The following WDPCP variants were observed in gnomAD, a reference collection of about 807,000 sequenced individuals.
WDPCP encodes the protein WD repeat containing planar cell polarity effector, also known as WD repeat-containing and planar cell polarity effector protein fritz homolog.
In WDPCP, 71 loss-of-function variants were observed where a neutral mutation model predicts 93.1. The observed-to-expected ratio is 0.76, with a 90% confidence interval of 0.63 to 0.93. WDPCP has a LOEUF of 0.93. Ranked by LOEUF, WDPCP falls within the 40% of genes least tolerant of loss-of-function variation. The pLI is 0.00. For missense variants in WDPCP, 844 were observed against 887.4 expected, an observed-to-expected ratio of 0.95 and a Z score of 0.62; for synonymous variants, 315 against 315.0, an observed-to-expected ratio of 1.00 and a Z score of 0.00.
intron 2 of WDPCP, among the ~76,000 whole-genome samples, chr2:63,728,652 A>T (rs929165594): frequency 1.3e-5 from 2 of 152,194 alleles, no homozygotes; most frequent in Non-Finnish European, 2.9e-5. Flanking sequence ...AGGTTAAGTG[A>T]TAACTTGCAG....
intron 1 of WDPCP, among the ~76,000 whole-genome samples, chr2:63,539,703 A>T (rs1704568942): frequency 6.6e-6 from 1 of 152,200 alleles, no homozygotes; most frequent in South Asian, 2.1e-4. Flanking sequence ...ATAATAAAAA[A>T]ATAAAACTCA....
intron 10 of WDPCP, among the ~76,000 whole-genome samples, chr2:63,384,739 C>A (rs904665798): frequency 1.3e-5 from 2 of 149,236 alleles, no homozygotes; most frequent in African/African-American, 2.5e-5. Flanking sequence ...AATAGTAATA[C>A]GTAAAAAAAA....
chr2:63,595,521 T>A (rs1709293538), intron 3 of WDPCP: 2 of 1,580,948 alleles, frequency 1.3e-6, no homozygotes, highest in Non-Finnish European at 8.7e-7. Flanking sequence ...TCCTGAAAGG[T>A]GGGTTGGGGA....
At chr2:63,676,452 T>C (rs138028337) in intron 2 of WDPCP, among the ~76,000 whole-genome samples, 2 of 152,164 alleles carry the variant, frequency 1.3e-5, no homozygotes, top group African/African-American at 4.8e-5. Context: ...CCAGCCCTTA[T>C]AGCAGTGGTT....
intron 1 of WDPCP, among the ~76,000 whole-genome samples, chr2:63,817,135 A>T (rs1670943509): frequency 6.7e-6 from 1 of 149,698 alleles, no homozygotes. Context: ...TTTGAGTCAG[A>T]GTCTCGCTCT....
At chr2:63,777,534 G>C (rs577964469) in intron 2 of WDPCP, among the ~76,000 whole-genome samples, 1 of 152,274 alleles carries the variant, frequency 6.6e-6, no homozygotes, top group African/African-American at 2.4e-5. Context: ...ATCTGCAGGT[G>C]AATGAATAAA....
chr2:63,640,254 C>A (rs1709966838), intron 3 of WDPCP, among the ~76,000 whole-genome samples: 1 of 152,038 alleles, frequency 6.6e-6, no homozygotes. Context: ...GTGATCCTCC[C>A]ACTTCGGCCT....
chr2:63,784,944 C>G (rs1356919744), intron 2 of WDPCP, among the ~76,000 whole-genome samples: 2 of 152,136 alleles, frequency 1.3e-5, no homozygotes, highest in African/African-American at 4.8e-5. Flanking sequence ...TGAAAATAAT[C>G]ATGCTACCTC....
chr2:63,304,314 TCCAGTCTGCAGCTC>T (rs1283335949), intron 13 of WDPCP, among the ~76,000 whole-genome samples: 1 of 152,062 alleles, frequency 6.6e-6, no homozygotes, highest in Admixed American at 6.5e-5. Flanking sequence ...TTGGAACAGC[TCCAGTCTGCAGCTC>T]CCAGTGAGAT....
chr2:63,406,009 G>A (rs374388939), intron 9 of WDPCP, among the ~76,000 whole-genome samples: 7 of 152,238 alleles, frequency 4.6e-5, no homozygotes, highest in South Asian at 2.1e-4. Flanking sequence ...TGTCACTGGG[G>A]AAACTGGGGG....
intron 2 of WDPCP, among the ~76,000 whole-genome samples, chr2:63,801,415 G>C (rs1307431956): frequency 6.6e-6 from 1 of 152,174 alleles, no homozygotes; most frequent in African/African-American, 2.4e-5. Flanking sequence ...AAAGGTGGTA[G>C]GGAGGCAAAG....
At chr2:63,798,356 A>C (rs1236946638) in intron 2 of WDPCP, among the ~76,000 whole-genome samples, 2 of 152,206 alleles carry the variant, frequency 1.3e-5, no homozygotes, top group Non-Finnish European at 2.9e-5. Flanking sequence ...AATAACTACA[A>C]CAACTTTTCA....
chr2:63,733,656 C>T (rs1002660408), intron 2 of WDPCP, among the ~76,000 whole-genome samples: 10 of 152,170 alleles, frequency 6.6e-5, no homozygotes, highest in African/African-American at 1.9e-4. Flanking sequence ...GGATTGCCAA[C>T]GACTGTCTTC....
intron 6 of WDPCP, among the ~76,000 whole-genome samples, chr2:63,476,610 T>C (rs1403137781): frequency 6.6e-6 from 1 of 152,188 alleles, no homozygotes; most frequent in East Asian, 1.9e-4. Context: ...GGTTATGCTG[T>C]GGACCCAGTC....
chr2:63,338,740 G>A (rs1053707835), intron 12 of WDPCP, among the ~76,000 whole-genome samples: 76 of 151,136 alleles, frequency 5.0e-4, no homozygotes, highest in African/African-American at 1.7e-3. Context: ...TGGTTTATGT[G>A]TCTGTTTTTA....
chr2:63,127,945 C>T (rs1670034386), intron 17 of WDPCP, among the ~76,000 whole-genome samples: 1 of 151,910 alleles, frequency 6.6e-6, no homozygotes, highest in African/African-American at 2.4e-5. Context: ...TCAAGACCAG[C>T]CTGGCCAACA....
chr2:63,774,852 C>T (rs141175369), intron 2 of WDPCP, among the ~76,000 whole-genome samples: 40 of 152,266 alleles, frequency 2.6e-4, no homozygotes, highest in South Asian at 8.3e-4. Context: ...TCCCATCTCC[C>T]TAACTTCTCT....
intron 1 of WDPCP, among the ~76,000 whole-genome samples, chr2:63,539,531 A>C (rs553839638): frequency 1.6e-4 from 24 of 152,286 alleles, no homozygotes; most frequent in African/African-American, 5.8e-4. Flanking sequence ...CCCTGTCTCA[A>C]AAATACAGAA....
intron 3 of WDPCP, chr2:63,605,267 G>GC (rs747088033): frequency 1.3e-6 from 2 of 1,569,110 alleles, no homozygotes; most frequent in South Asian, 2.2e-5. Context: ...GCCTTCACCT[G>GC]CCCCCTTCCC....
Sources: gnomAD v4.1 joint callset for allele counts (sites outside exome capture counted in the v4.1 genomes callset) on GRCh38, gnomAD v4.1.1 for gene constraint, MANE v1.5 for transcripts, NCBI Gene and HGNC (gene_info 2026-07-23, HGNC 2026-07-21) for gene names.